CYS1: variants seen among roughly 807,000 people sequenced by gnomAD.
The protein encoded by CYS1 is cystin 1, also known as cystin-1.
In CYS1, 5 loss-of-function variants were observed where a neutral mutation model predicts 9.6. The ratio of observed to expected loss-of-function variants is 0.52; its 90% CI spans 0.27 to 1.10. CYS1 has a LOEUF of 1.10. Ranked by LOEUF, CYS1 falls within the 50% of genes least tolerant of loss-of-function variation. CYS1 has a pLI of 0.11. For synonymous variants in CYS1, 88 were observed against 95.7 expected, an observed-to-expected ratio of 0.92 and a Z score of 0.47; for missense variants, 221 against 207.9, an observed-to-expected ratio of 1.06 and a Z score of -0.39.
intron 1 of CYS1, among the ~76,000 whole-genome samples, chr2:10,073,990 A>C (rs1661810972): frequency 6.6e-6 from 1 of 152,220 alleles, no homozygotes; most frequent in South Asian, 2.1e-4. Flanking sequence ...GGGTCGAGGC[A>C]CTGGGCTTCT....
rs1661549489 is a variant in CYS1 at position 10,056,477 on chromosome 2, T to C, written c.*2376A>G. On this transcript the variant is annotated 3_prime_UTR_variant, in exon 3 of 3. Transcript: ENST00000381813. ...AAAAAGAAACCGGGAGACACATTTG[T>C]GGTCACTTAAGATTTTTCCAGACAA... Among the ~76,000 whole-genome samples the C allele has an allele frequency of 6.6e-6, 1 of 152,212 alleles. No individual in the cohort carries two copies.
Position 10,058,809 on chromosome 2 carries a change from C to T in CYS1, c.*44G>A. The T allele has an allele frequency of 1.3e-6, 2 of 1,495,062 alleles. No individual in the cohort carries two copies. The highest frequency in any genetic ancestry group is 2.4e-5 in the South Asian group (2 of 81,856). The allele number at this position is 1,495,062 out of a possible 1,614,324, so 92.6% of individuals were successfully genotyped here. ...CTGTGCAAGCAGAGGGTGCCCCAGCCAGCAGGTGCCTCCGAGGCCTGGCGG... is the reference window on the plus strand; with the variant it reads ...CTGTGCAAGCAGAGGGTGCCCCAGCTAGCAGGTGCCTCCGAGGCCTGGCGG... On this transcript the variant is annotated 3_prime_UTR_variant, in exon 3 of 3. Coordinates refer to ENST00000381813, the MANE Select transcript of CYS1 (RefSeq NM_001037160.3).
intron 1 of CYS1, among the ~76,000 whole-genome samples, chr2:10,078,278 C>T (rs1366909737): frequency 6.6e-6 from 1 of 152,154 alleles, no homozygotes; most frequent in Admixed American, 6.5e-5. Flanking sequence ...ACTCCCCCAC[C>T]CACTCACACA....
chr2:10,068,348 G>A (rs1661722193), intron 1 of CYS1, among the ~76,000 whole-genome samples: 1 of 152,108 alleles, frequency 6.6e-6, no homozygotes, highest in Non-Finnish European at 1.5e-5. Flanking sequence ...TCTTCACTTG[G>A]TTCTTTGGGG....
chr2:10,074,756 C>T (rs1661819391), intron 1 of CYS1, among the ~76,000 whole-genome samples: 1 of 152,240 alleles, frequency 6.6e-6, no homozygotes, highest in African/African-American at 2.4e-5. Flanking sequence ...CCAAACCCGT[C>T]TCATTGGTTT....
At chr2:10,065,706 G>A (rs996264168) in intron 2 of CYS1, among the ~76,000 whole-genome samples, 198 bp downstream of exon 2, 3 of 152,240 alleles carry the variant, frequency 2.0e-5, no homozygotes, top group Non-Finnish European at 2.9e-5. Flanking sequence ...GCAAAGCTGC[G>A]GTGAGATGGT....
At chr2:10,072,305 ACTC>A (rs1661777972) in intron 1 of CYS1, among the ~76,000 whole-genome samples, 1 of 152,050 alleles carries the variant, frequency 6.6e-6, no homozygotes. Context: ...TTGGTCTCGA[ACTC>A]CTGACCTCAG....
chr2:10,072,871 G>GC (rs1301122933), intron 1 of CYS1, among the ~76,000 whole-genome samples: 3 of 152,062 alleles, frequency 2.0e-5, no homozygotes, highest in Non-Finnish European at 4.4e-5. Context: ...CGGTGGGGGA[G>GC]CGGTGCAGGC....
chr2:10,075,416 C>T (rs140529912), intron 1 of CYS1, among the ~76,000 whole-genome samples: 2 of 152,338 alleles, frequency 1.3e-5, no homozygotes, highest in African/African-American at 4.8e-5. Flanking sequence ...TTCTTCTTGT[C>T]CCCTGGATCA....
intron 2 of CYS1, among the ~76,000 whole-genome samples, chr2:10,060,490 G>A (rs1331327339): frequency 1.3e-5 from 2 of 152,172 alleles, no homozygotes; most frequent in East Asian, 3.9e-4. Context: ...GGGCCTCCAG[G>A]CGTCCAGGGG....
chr2:10,069,470 G>A (rs1002836364), intron 1 of CYS1, among the ~76,000 whole-genome samples: 1 of 152,126 alleles, frequency 6.6e-6, no homozygotes, highest in Non-Finnish European at 1.5e-5. Flanking sequence ...CTGAGTTCAA[G>A]CGATTCTCCT....
chr2:10,069,931 G>A (rs1661742912), intron 1 of CYS1, among the ~76,000 whole-genome samples: 1 of 152,218 alleles, frequency 6.6e-6, no homozygotes, highest in African/African-American at 2.4e-5. Flanking sequence ...GGTGGGTTGT[G>A]TTCAACACAG....
intron 2 of CYS1, 39 bp from the exon 3 acceptor site, chr2:10,058,997 G>C (rs1461490004): frequency 6.5e-7 from 1 of 1,529,506 alleles, no homozygotes; most frequent in Admixed American, 1.9e-5. Flanking sequence ...CAGGAGGCAG[G>C]ATGGTGCGTT....
chr2:10,063,121 C>A lies in CYS1; in HGVS notation c.371+2783G>T, dbSNP rs750516467. 6.6e-6 allele frequency among the ~76,000 whole-genome samples: 1 copy of A among 152,242 alleles called. No homozygotes were observed. The highest frequency in any genetic ancestry group is 6.5e-5 in the Admixed American group (1 of 15,286). On this transcript the variant is annotated intron_variant, in intron 2 of 2. Transcript: ENST00000381813. This position sits in a 1 kb window ranked among gnomAD's most constrained non-coding sequence, Gnocchi z 4.2. The stretch of plus-strand genomic sequence containing the variant: ...GTCAGGACTGGGGTCAAGGCCCACA[C>A]GCCCCAGGCTGACATTAAACAATCC...
chr2:10,075,780 G>T (rs139249255), intron 1 of CYS1, among the ~76,000 whole-genome samples: 2 of 152,340 alleles, frequency 1.3e-5, no homozygotes, highest in African/African-American at 4.8e-5. Flanking sequence ...TATTGCCCGA[G>T]ACTCTCTTGC....
intron 1 of CYS1, among the ~76,000 whole-genome samples, chr2:10,078,115 AAAAAG>A (rs1452785124): frequency 2.6e-5 from 4 of 151,892 alleles, no homozygotes; most frequent in South Asian, 2.1e-4. Flanking sequence ...CAAAAAAAAA[AAAAAG>A]AAAGAAAGAA....
At chr2:10,078,622 G>A (rs1169470760) in intron 1 of CYS1, among the ~76,000 whole-genome samples, 3 of 152,164 alleles carry the variant, frequency 2.0e-5, no homozygotes, top group Admixed American at 2.0e-4. Flanking sequence ...CATCCCTTCG[G>A]GAATGCCTAC....
intron 1 of CYS1, among the ~76,000 whole-genome samples, chr2:10,073,736 C>T (rs1203602981): frequency 2.0e-5 from 3 of 152,168 alleles, no homozygotes; most frequent in African/African-American, 7.2e-5. Flanking sequence ...CTCAAAGCTC[C>T]AAGGTTAAGA....
In CYS1 at chr2:10,070,959, TTTTG is replaced by T. The variant is rs749523336; in HGVS notation, c.319-5007_319-5004del. On this transcript the variant is annotated intron_variant, in intron 1 of 2. Transcript: ENST00000381813. ...CCACCACGCCCAGCCTGAGAACCCT[TTTTG>T]TTTGTTTGTTTGTTTTGTTTTGAGA... 2.4e-3 allele frequency among the ~76,000 whole-genome samples: 361 copies of T among 149,642 alleles called. 2 individuals are homozygous for T. Among genetic ancestry groups the T allele is most frequent in the Non-Finnish European group, 4.1e-3 (276 of 67,384 alleles).
Sources: gnomAD v4.1 joint callset for allele counts (sites outside exome capture counted in the v4.1 genomes callset) on GRCh38, gnomAD v4.1.1 for gene constraint, Gnocchi (gnomAD v3.1) non-coding constraint, MANE v1.5 for transcripts, NCBI Gene and HGNC (gene_info 2026-07-23, HGNC 2026-07-21) for gene names.